Variants in SMARCA2 observed in about 807,000 individuals in gnomAD.
The protein encoded by SMARCA2 is SWI/SNF related BAF chromatin remodeling complex subunit ATPase 2.
In SMARCA2, 61 loss-of-function variants were observed where a neutral mutation model predicts 199.8. The observed-to-expected ratio is 0.31, with a 90% CI of 0.25 to 0.38. The LOEUF is 0.38. SMARCA2 is among the 10% of genes least tolerant of loss of function. SMARCA2 has a pLI of 1.00. For missense variants in SMARCA2, 1,344 were observed against 2,012.2 expected (o/e 0.67, Z 6.35); for synonymous variants, 935 against 732.0 (o/e 1.28, Z -4.48).
intron 27 of SMARCA2, among the ~76,000 whole-genome samples, chr9:2,150,463 T>C (rs1825004986): frequency 6.6e-6 from 1 of 151,580 alleles, no homozygotes. Context: ...AGCAGCTGCC[T>C]GATACAGAAG....
At chr9:2,095,601 C>G (rs569255287) in intron 19 of SMARCA2, among the ~76,000 whole-genome samples, 4 of 152,140 alleles carry the variant, frequency 2.6e-5, no homozygotes, top group Non-Finnish European at 5.9e-5. Flanking sequence ...GGGCTTTTCT[C>G]TAATCTCATT....
chr9:2,029,076 G>T lies in SMARCA2; in HGVS notation c.54G>T (p.Gly18=), dbSNP rs976156529. 4 of 1,571,812 alleles carry T rather than the reference G, an allele frequency of 2.5e-6. No individual in the cohort carries two copies. Among genetic ancestry groups the T allele is most frequent in the Admixed American group, 3.7e-5 (2 of 54,542 alleles). ...GAMPHPGPSP[G]PGPSPGPILG... ...TGCCCCACCCAGGGCCTTCGCCGGGGCCTGGGCCTTCCCCTGGGCCAATTC... is the reference window on the plus strand; with the variant it reads ...TGCCCCACCCAGGGCCTTCGCCGGGTCCTGGGCCTTCCCCTGGGCCAATTC... Residue 18 remains glycine (G), a synonymous_variant, in exon 2 of 34, where the codon GGG becomes GGT. Transcript: ENST00000349721.
At chr9:2,131,401 G>T (rs557001369) in intron 27 of SMARCA2, among the ~76,000 whole-genome samples, 1 of 152,286 alleles carries the variant, frequency 6.6e-6, no homozygotes, top group African/African-American at 2.4e-5. Context: ...GTGATGTCCT[G>T]TGCAGTTGGG....
At chr9:2,105,891 A>T (rs933442929) in intron 23 of SMARCA2, among the ~76,000 whole-genome samples, 1 of 152,198 alleles carries the variant, frequency 6.6e-6, no homozygotes, top group African/African-American at 2.4e-5. Flanking sequence ...GTCTCTGACG[A>T]CTGCTTCTTT....
chr9:2,018,631 G>C (rs1369354420), intron 1 of SMARCA2, among the ~76,000 whole-genome samples: 1 of 152,220 alleles, frequency 6.6e-6, no homozygotes, highest in African/African-American at 2.4e-5. Context: ...ACACCTGGTT[G>C]TGTGCCTTGC....
chr9:2,164,249 T>C (rs887213754), intron 28 of SMARCA2, among the ~76,000 whole-genome samples: 4 of 152,222 alleles, frequency 2.6e-5, no homozygotes, highest in Non-Finnish European at 5.9e-5. Context: ...CTGACCACTT[T>C]CCTAGAAACC....
At chr9:2,059,714 C>T (rs1820502472) in intron 8 of SMARCA2, among the ~76,000 whole-genome samples, 1 of 152,094 alleles carries the variant, frequency 6.6e-6, no homozygotes, top group Admixed American at 6.5e-5. Flanking sequence ...GCATTTGAGG[C>T]TCTTGCTCAT....
intron 1 of SMARCA2, among the ~76,000 whole-genome samples, chr9:2,027,464 A>G (rs1392584164): frequency 6.6e-6 from 1 of 152,194 alleles, no homozygotes; most frequent in Admixed American, 6.5e-5. Flanking sequence ...ATTAAAATAA[A>G]GTTAAAATTA....
At chr9:2,189,134 G>C (rs560813628) in intron 32 of SMARCA2, among the ~76,000 whole-genome samples, 1 of 152,192 alleles carries the variant, frequency 6.6e-6, no homozygotes, top group Admixed American at 6.5e-5. Context: ...CTTTTGCCAT[G>C]TAATATAACA....
At chr9:2,019,136 G>A (rs62534883) in intron 1 of SMARCA2, among the ~76,000 whole-genome samples, 1 of 149,264 alleles carries the variant, frequency 6.7e-6, no homozygotes, top group Non-Finnish European at 1.5e-5. Context: ...GGTAGACTGA[G>A]GGGAAAAAAA....
chr9:2,136,097 C>T (rs1824182622), intron 27 of SMARCA2, among the ~76,000 whole-genome samples: 1 of 152,078 alleles, frequency 6.6e-6, no homozygotes, highest in South Asian at 2.1e-4. Flanking sequence ...GCCTCAGCCT[C>T]CCAAAGTGCT....
chr9:2,118,156 G>A (rs1358421961), intron 25 of SMARCA2, among the ~76,000 whole-genome samples: 1 of 152,184 alleles, frequency 6.6e-6, no homozygotes, highest in African/African-American at 2.4e-5. Context: ...AGTAGGCGAA[G>A]CGGGACATCT....
At chr9:2,102,764 G>A (rs967100460) in intron 22 of SMARCA2, among the ~76,000 whole-genome samples, 1 of 152,050 alleles carries the variant, frequency 6.6e-6, no homozygotes, top group African/African-American at 2.4e-5. Context: ...GACGTCCATA[G>A]TGATCTTATA....
chr9:2,133,155 C>G (rs1372752170), intron 27 of SMARCA2, among the ~76,000 whole-genome samples: 3 of 152,096 alleles, frequency 2.0e-5, no homozygotes, highest in Non-Finnish European at 4.4e-5. Context: ...TACTAAGGAG[C>G]CCCAATAATT....
At chr9:2,189,303 C>T (rs990257500) in intron 32 of SMARCA2, among the ~76,000 whole-genome samples, 2 of 152,098 alleles carry the variant, frequency 1.3e-5, no homozygotes, top group African/African-American at 4.8e-5. Flanking sequence ...AGTTTATTAG[C>T]CTGCTTGTCC....
In SMARCA2 at chr9:2,016,960, G is replaced by C. The variant is rs184442971; in HGVS notation, c.-37+1556G>C. On this transcript the variant is annotated intron_variant, in intron 1 of 33. Transcript: ENST00000349721. This position sits in a 1 kb window ranked among gnomAD's most constrained non-coding sequence, Gnocchi z 5.6. ...CGCCCTCCGGCCGCAGGGCGCACAC[G>C]GAGCACAGTGCTCCCGGTGCCCCGC... 1 of 151,802 alleles carries C rather than the reference G, an allele frequency of 6.6e-6. No homozygotes were observed. The highest frequency in any genetic ancestry group is 2.0e-4 in the East Asian group (1 of 5,034). 9.4% of individuals were successfully genotyped at this position (151,802 alleles called of 1,614,324 possible). A position where few individuals can be genotyped will look rare whatever the true frequency, so the allele number is the denominator to read the frequency against.
At chr9:2,103,914 A>G (rs1228103016) in intron 22 of SMARCA2, 89 bp from the exon 23 acceptor site, 12 of 1,059,058 alleles carry the variant, frequency 1.1e-5, no homozygotes, top group Non-Finnish European at 1.7e-5. Flanking sequence ...CAGTGTACAA[A>G]GGACTATATG....
intron 5 of SMARCA2, among the ~76,000 whole-genome samples, chr9:2,052,845 G>A (rs1206978037): frequency 1.3e-5 from 2 of 152,132 alleles, no homozygotes; most frequent in Non-Finnish European, 2.9e-5. Context: ...ATCTTGGCAA[G>A]GAAGACAAAT....
At chr9:2,156,652 A>C (rs1825380511) in intron 27 of SMARCA2, among the ~76,000 whole-genome samples, 1 of 152,088 alleles carries the variant, frequency 6.6e-6, no homozygotes, top group Non-Finnish European at 1.5e-5. Flanking sequence ...GCTGGTCTCA[A>C]ACTCCCTACC....
Sources: allele counts gnomAD v4.1 joint callset (sites outside exome capture counted in the v4.1 genomes callset), GRCh38; gene constraint gnomAD v4.1.1; non-coding constraint Gnocchi (gnomAD v3.1); transcripts MANE v1.5; gene names NCBI Gene and HGNC (gene_info 2026-07-23, HGNC 2026-07-21).